KCNN2: variants seen among roughly 807,000 people sequenced by gnomAD.
KCNN2 encodes small conductance calcium-activated potassium channel protein 2.
In KCNN2, 24 loss-of-function variants were observed where a neutral mutation model predicts 55.5. That is an observed-to-expected ratio of 0.43 (90% confidence interval 0.31 to 0.61). The LOEUF is 0.61. KCNN2 is among the 20% of genes least tolerant of loss of function. The pLI is 0.08. For missense variants in KCNN2, 754 were observed against 853.6 expected (o/e 0.88, Z 1.45); for synonymous variants, 431 against 336.1 (o/e 1.28, Z -3.09).
intron 2 of KCNN2, among the ~76,000 whole-genome samples, chr5:114,337,117 A>G (rs956008871): frequency 3.3e-5 from 5 of 152,208 alleles, no homozygotes; most frequent in Non-Finnish European, 4.4e-5. Context: ...GCAGTCATCA[A>G]AGAAAAAGGG....
intron 2 of KCNN2, among the ~76,000 whole-genome samples, chr5:114,223,939 A>G (rs938546005): frequency 7.2e-5 from 11 of 152,286 alleles, no homozygotes; most frequent in South Asian, 6.2e-4. Flanking sequence ...TGGTTGTTGA[A>G]AAAAATGCAA....
chr5:114,158,738 CCTAGGTATTTTATTCT>C (rs1752696447), intron 1 of KCNN2, among the ~76,000 whole-genome samples: 1 of 151,282 alleles, frequency 6.6e-6, no homozygotes, highest in Non-Finnish European at 1.5e-5. Context: ...AAGTTGGATT[CCTAGGTATTTTATTCT>C]CTTTGAAGCA....
chr5:114,379,476 A>G (rs1469717581), intron 2 of KCNN2, among the ~76,000 whole-genome samples: 56 of 107,890 alleles, frequency 5.2e-4, no homozygotes, highest in African/African-American at 1.6e-3. Context: ...CATATTATAT[A>G]TTTATAGAAT....
At chr5:114,450,588 A>T (rs968550722) in intron 3 of KCNN2, among the ~76,000 whole-genome samples, 1 of 152,202 alleles carries the variant, frequency 6.6e-6, no homozygotes, top group African/African-American at 2.4e-5. Context: ...CGTTTTTGCC[A>T]AATTCCAAGA....
chr5:114,154,000 T>C (rs1378358390), intron 1 of KCNN2, among the ~76,000 whole-genome samples: 1 of 152,192 alleles, frequency 6.6e-6, no homozygotes, highest in Non-Finnish European at 1.5e-5. Context: ...GGTCTAGAGA[T>C]GGTGACAGCT....
In KCNN2 at chr5:114,109,896, C is replaced by T. The variant is rs529187754; in HGVS notation, c.-271+53396C>T. On this transcript the variant is annotated intron_variant, in intron 1 of 10. Coordinates refer to the KCNN2 transcript ENST00000512097. ...CATGGGTAGTACTATGATTTGAAAG[C>T]GGCCCCTCCAAATCTCAGATGTTGC... is the stretch of plus-strand genomic sequence containing the variant. Among the ~76,000 whole-genome samples, 13 of 152,146 alleles carry T rather than the reference C, an allele frequency of 8.5e-5. No individual in the cohort carries two copies. In the East Asian group the frequency reaches 1.4e-3, roughly 16 times the overall value.
At chr5:114,123,032 T>C (rs1236111074) in intron 1 of KCNN2, among the ~76,000 whole-genome samples, 1 of 152,188 alleles carries the variant, frequency 6.6e-6, no homozygotes, top group African/African-American at 2.4e-5. Context: ...ACTTAATGTG[T>C]GACAGATGAC....
intron 1 of KCNN2, among the ~76,000 whole-genome samples, chr5:114,104,805 G>T (rs577450313): frequency 5.9e-5 from 9 of 152,068 alleles, no homozygotes; most frequent in Admixed American, 2.6e-4. Flanking sequence ...AATGAAAAAG[G>T]CAGGCTCGGG....
At chr5:114,199,587 G>C (rs1317171359) in intron 1 of KCNN2, among the ~76,000 whole-genome samples, 2 of 146,996 alleles carry the variant, frequency 1.4e-5, no homozygotes, top group Non-Finnish European at 3.0e-5. Context: ...TTGTGTGATT[G>C]TTTTATATGA....
chr5:114,300,541 A>C (rs1756133557), intron 2 of KCNN2, among the ~76,000 whole-genome samples: 1 of 152,220 alleles, frequency 6.6e-6, no homozygotes, highest in Admixed American at 6.5e-5. Context: ...GGAAGATCAG[A>C]TATGATTCAT....
chr5:114,354,999 T>A (rs1409937899), intron 2 of KCNN2, among the ~76,000 whole-genome samples: 4 of 152,178 alleles, frequency 2.6e-5, no homozygotes, highest in Non-Finnish European at 5.9e-5. Flanking sequence ...TATGCAAACC[T>A]TGGTAATTTA....
intron 1 of KCNN2, among the ~76,000 whole-genome samples, chr5:114,059,585 ACAAAGGGAAGGTGGG>A (rs1750284059): frequency 6.6e-6 from 1 of 152,226 alleles, no homozygotes; most frequent in African/African-American, 2.4e-5. Context: ...GGATGCATAA[ACAAAGGGAAGGTGGG>A]TAACTAGCCC....
chr5:114,123,200 A>C (rs1032495656), intron 1 of KCNN2, among the ~76,000 whole-genome samples: 1 of 152,116 alleles, frequency 6.6e-6, no homozygotes, highest in African/African-American at 2.4e-5. Flanking sequence ...TCAAATAATT[A>C]TTGACAGATT....
chr5:114,160,053 A>C (rs1013733154), intron 1 of KCNN2, among the ~76,000 whole-genome samples: 1 of 151,942 alleles, frequency 6.6e-6, no homozygotes, highest in Non-Finnish European at 1.5e-5. Context: ...TAGCTTTTGA[A>C]TGTGTTTGCT....
Position 114,343,713 on chromosome 5 carries a change from T to C in KCNN2, c.-184-17232T>C, listed in dbSNP as rs559525919. On this transcript the variant is annotated intron_variant, in intron 2 of 10. Transcript: ENST00000512097. ...GCATGGTGTGGGGGGAACAACATGG[T>C]GTGGGGGGAACAGCAGGGTGTGGTG... Among the ~76,000 whole-genome samples the C allele has an allele frequency of 3.9e-4, 59 of 149,548 alleles. 1 individual carries two copies. The highest frequency in any genetic ancestry group is 8.0e-4 in the Non-Finnish European group (54 of 67,352).
At chr5:114,263,858 G>T (rs1755158775) in intron 2 of KCNN2, among the ~76,000 whole-genome samples, 1 of 152,124 alleles carries the variant, frequency 6.6e-6, no homozygotes. Context: ...CTTCAGCAAA[G>T]AGGCTATTGT....
chr5:114,465,629 G>A lies in KCNN2; in HGVS notation c.1779+2439G>A, dbSNP rs1159786269. On this transcript the variant is annotated intron_variant, in intron 4 of 7. Transcript: ENST00000673685. ...CTCCATCATCTCAAAAAAAAAAAAA[G>A]AGAGAGGTTATAGTACCATTAAATA... is the stretch of plus-strand genomic sequence containing the variant. 6.9e-5 allele frequency among the ~76,000 whole-genome samples: 10 copies of A among 145,194 alleles called. No individual in the cohort carries two copies. The East Asian group carries it at 2.0e-3, about 28-fold the overall frequency.
chr5:114,393,381 G>C (rs1427849608), intron 2 of KCNN2, among the ~76,000 whole-genome samples: 3 of 152,058 alleles, frequency 2.0e-5, no homozygotes, highest in African/African-American at 7.2e-5. Flanking sequence ...GATTCAGTGT[G>C]TTTGGCTGTG....
chr5:114,316,852 T>C (rs1756511309), intron 2 of KCNN2, among the ~76,000 whole-genome samples: 1 of 152,172 alleles, frequency 6.6e-6, no homozygotes, highest in African/African-American at 2.4e-5. Context: ...AATATAAGTA[T>C]AGTCAGTCAT....
Sources: allele counts gnomAD v4.1 joint callset (sites outside exome capture counted in the v4.1 genomes callset), GRCh38; gene constraint gnomAD v4.1.1; transcripts MANE v1.5; gene names NCBI Gene and HGNC (gene_info 2026-07-23, HGNC 2026-07-21).